TMPRSS11F: variants seen among roughly 807,000 people sequenced by gnomAD.
The protein encoded by TMPRSS11F is transmembrane serine protease 11F.
TMPRSS11F carries 47 observed loss-of-function variants against 60.2 expected under a neutral mutation model. The observed-to-expected ratio is 0.78, with a 90% CI of 0.62 to 1.00. TMPRSS11F has a LOEUF of 1.00. TMPRSS11F is among the 50% of genes least tolerant of loss of function. The probability of loss-of-function intolerance (pLI) is 0.00; values close to 1 mark genes in which losing one functional copy is unlikely to be tolerated. For missense variants in TMPRSS11F, 519 were observed against 522.9 expected (o/e 0.99, Z 0.07); for synonymous variants, 166 against 167.3 (o/e 0.99, Z 0.06).
rs376518645 is a variant in TMPRSS11F at position 68,084,554 on chromosome 4, G to C, written c.282+5969C>G. On this transcript the variant is annotated intron_variant, in intron 3 of 9. Coordinates refer to ENST00000356291, the MANE Select transcript of TMPRSS11F (RefSeq NM_207407.2). ...ATTCCTACCAAGAACTTCATTCCCT[G>C]CCAAACTAAGCTTCATAAGTAAAGG... Among the ~76,000 whole-genome samples, 15 of 152,186 alleles carry C rather than the reference G, an allele frequency of 9.9e-5. No individual in the cohort carries two copies. The East Asian group carries it at 1.9e-3, about 20-fold the overall frequency.
intron 3 of TMPRSS11F, among the ~76,000 whole-genome samples, chr4:68,087,297 G>T (rs1319118428): frequency 6.6e-6 from 1 of 152,082 alleles, no homozygotes; most frequent in Non-Finnish European, 1.5e-5. Context: ...AAAAGCTTTT[G>T]ATAAAATCCA....
intron 8 of TMPRSS11F, among the ~76,000 whole-genome samples, chr4:68,064,335 C>T (rs1476799775): frequency 3.9e-5 from 6 of 152,018 alleles, no homozygotes; most frequent in Non-Finnish European, 8.8e-5. Flanking sequence ...CAGGTGCACA[C>T]CACCATGCCC....
chr4:68,108,165 A>T (rs1294266729), intron 1 of TMPRSS11F, among the ~76,000 whole-genome samples: 1 of 152,202 alleles, frequency 6.6e-6, no homozygotes, highest in Non-Finnish European at 1.5e-5. Context: ...AACTGGATTC[A>T]GAATATATTT....
chr4:68,129,310 A>C (rs1724774134), intron 1 of TMPRSS11F, among the ~76,000 whole-genome samples: 1 of 152,088 alleles, frequency 6.6e-6, no homozygotes, highest in South Asian at 2.1e-4. Context: ...GAGTATTTTA[A>C]TTTTAATCAT....
intron 1 of TMPRSS11F, among the ~76,000 whole-genome samples, chr4:68,117,848 G>C (rs1260347169): frequency 2.0e-5 from 3 of 152,154 alleles, no homozygotes; most frequent in African/African-American, 7.2e-5. Context: ...CATCTCTGTG[G>C]CTAAGGGCTA....
intron 9 of TMPRSS11F, among the ~76,000 whole-genome samples, chr4:68,055,274 G>A (rs1723020745): frequency 6.6e-6 from 1 of 152,158 alleles, no homozygotes; most frequent in African/African-American, 2.4e-5. Flanking sequence ...CCACTGAAGT[G>A]TTTCAGAGAG....
intron 1 of TMPRSS11F, among the ~76,000 whole-genome samples, chr4:68,124,945 A>ATTTT (rs370189875): frequency 0.24 from 22,642 of 93,716 alleles, 3,856 homozygotes; most frequent in Non-Finnish European, 0.31. Context: ...CTAAACCAGC[A>ATTTT]TTTTTTTTTT....
At chr4:68,104,710 A>G (rs911793405) in intron 1 of TMPRSS11F, among the ~76,000 whole-genome samples, 2 of 152,166 alleles carry the variant, frequency 1.3e-5, no homozygotes, top group Non-Finnish European at 2.9e-5. Flanking sequence ...ACTGTTGAGA[A>G]TTTTTATCAA....
chr4:68,095,895 C>CAAAAAAAAAAAA (rs56309846), intron 2 of TMPRSS11F, among the ~76,000 whole-genome samples: 1 of 83,554 alleles, frequency 1.2e-5, no homozygotes, highest in African/African-American at 4.6e-5. Context: ...GATTCCATCT[C>CAAAAAAAAAAAA]AAAAAAAAAA....
intron 1 of TMPRSS11F, among the ~76,000 whole-genome samples, chr4:68,123,099 T>C (rs1724653459): frequency 6.6e-6 from 1 of 152,222 alleles, no homozygotes; most frequent in Admixed American, 6.5e-5. Flanking sequence ...CATTATCTTC[T>C]GTTGCCACAG....
intron 1 of TMPRSS11F, among the ~76,000 whole-genome samples, chr4:68,110,727 T>C (rs911642459): frequency 2.0e-5 from 3 of 152,184 alleles, no homozygotes; most frequent in Admixed American, 1.3e-4. Flanking sequence ...ATAAACATTA[T>C]TGCTATTATT....
intron 1 of TMPRSS11F, among the ~76,000 whole-genome samples, chr4:68,105,474 T>A (rs946288309): frequency 1.3e-5 from 2 of 152,246 alleles, no homozygotes; most frequent in South Asian, 2.1e-4. Context: ...AGCAAGCTAG[T>A]TAAATTCTGT....
chr4:68,097,136 T>C (rs929968128), intron 2 of TMPRSS11F, among the ~76,000 whole-genome samples: 1 of 152,226 alleles, frequency 6.6e-6, no homozygotes, highest in East Asian at 1.9e-4. Context: ...GACTTGGAGA[T>C]AGAACACTCA....
At position 68,081,434 on chromosome 4, in the gene TMPRSS11F, T is replaced by C. The variant is rs61590834; in HGVS notation, c.283-7425A>G. Among the ~76,000 whole-genome samples, 1,378 of 152,326 alleles carry C rather than the reference T, an allele frequency of 9.0e-3. 26 individuals carry two copies. Among genetic ancestry groups the C allele is most frequent in the African/African-American group, 0.031 (1,309 of 41,574 alleles). On this transcript the variant is annotated intron_variant, in intron 3 of 9. Coordinates refer to ENST00000356291, the MANE Select transcript of TMPRSS11F (RefSeq NM_207407.2). Reference sequence around the variant, plus strand: ...TATTTATTTTTATCTAAACAAACAATTTTTTACAGCATTGGCTTTGAGGTG... The same window carrying C: ...TATTTATTTTTATCTAAACAAACAACTTTTTACAGCATTGGCTTTGAGGTG...
At chr4:68,076,624 GT>G (rs747913579) in intron 3 of TMPRSS11F, among the ~76,000 whole-genome samples, 9 of 152,156 alleles carry the variant, frequency 5.9e-5, no homozygotes, top group Non-Finnish European at 1.0e-4. Flanking sequence ...AAGAGAAAAG[GT>G]TTTGAAAGAC....
intron 8 of TMPRSS11F, among the ~76,000 whole-genome samples, chr4:68,061,063 CTATT>C (rs143226205): frequency 0.36 from 54,714 of 151,336 alleles, 11,924 homozygotes; most frequent in Non-Finnish European, 0.5. Context: ...AAAACATACT[CTATT>C]TAATAAAGTA....
At chr4:68,062,741 A>G (rs773685821) in intron 8 of TMPRSS11F, 2 of 742,870 alleles carry the variant, frequency 2.7e-6, no homozygotes, top group East Asian at 5.1e-5. Context: ...GGTCACTTTG[A>G]AAACAAAAGT....
intron 1 of TMPRSS11F, among the ~76,000 whole-genome samples, chr4:68,111,167 G>A (rs1185642281): frequency 1.3e-5 from 2 of 151,968 alleles, no homozygotes; most frequent in Non-Finnish European, 2.9e-5. Flanking sequence ...TTTTTTATAT[G>A]ACTTGTCTAG....
chr4:68,102,174 G>A (rs894039377), intron 1 of TMPRSS11F, among the ~76,000 whole-genome samples: 3 of 152,066 alleles, frequency 2.0e-5, no homozygotes, highest in African/African-American at 7.2e-5. Flanking sequence ...GGGGGGCTCA[G>A]GAAAATTCCA....
Sources: gnomAD v4.1 joint callset for allele counts (sites outside exome capture counted in the v4.1 genomes callset) on GRCh38, gnomAD v4.1.1 for gene constraint, MANE v1.5 for transcripts, NCBI Gene and HGNC (gene_info 2026-07-23, HGNC 2026-07-21) for gene names.